SETD3: variants seen among roughly 807,000 people sequenced by gnomAD.
SETD3 encodes the protein SET domain containing 3, actin N3(tau)-histidine methyltransferase, also known as actin-histidine N-methyltransferase.
SETD3 carries 19 observed loss-of-function variants against 63.0 expected under a neutral mutation model. The observed-to-expected ratio is 0.30, with a 90% CI of 0.21 to 0.44. The LOEUF (loss-of-function observed/expected upper bound fraction) is 0.44. Ranked by LOEUF, SETD3 falls within the 20% of genes least tolerant of loss-of-function variation. The probability of loss-of-function intolerance (pLI) is 1.00; values close to 1 mark genes in which losing one functional copy is unlikely to be tolerated. For missense variants in SETD3, 587 were observed against 728.5 expected (o/e 0.81, Z 2.24); for synonymous variants, 286 against 264.1 (o/e 1.08, Z -0.80).
At position 99,463,809 on chromosome 14, in the gene SETD3, CAA is replaced by C. The variant is rs112318618; in HGVS notation, c.104-233_104-232del. On this transcript the variant is annotated intron_variant, in intron 2 of 12. Transcript: ENST00000331768. ...AAAAACATCCCCCACTTAACGTACC[CAA>C]GAGAGAGCACTGAGCAAGCACCTAG... 8.4e-3 allele frequency among the ~76,000 whole-genome samples: 1,274 copies of C among 152,288 alleles called. 15 individuals carry two copies. Among genetic ancestry groups the C allele is most frequent in the African/African-American group, 0.029 (1,193 of 41,560 alleles).
chr14:99,438,243 T>C (rs755231003), intron 6 of SETD3, among the ~76,000 whole-genome samples: 2 of 152,222 alleles, frequency 1.3e-5, no homozygotes, highest in Non-Finnish European at 2.9e-5. Flanking sequence ...ACGGTTAAGG[T>C]TGGGTGAGCA....
chr14:99,422,754 C>T (rs1892655723), intron 6 of SETD3, among the ~76,000 whole-genome samples: 1 of 152,180 alleles, frequency 6.6e-6, no homozygotes, highest in African/African-American at 2.4e-5. Context: ...TCACTGATAA[C>T]AAAATCTAAG....
chr14:99,466,744 G>C (rs1428336004), intron 1 of SETD3, among the ~76,000 whole-genome samples: 1 of 152,104 alleles, frequency 6.6e-6, no homozygotes, highest in Admixed American at 6.5e-5. Context: ...ACTCAAGACA[G>C]GGTGATAGTC....
intron 1 of SETD3, among the ~76,000 whole-genome samples, chr14:99,469,245 G>A (rs1044490461): frequency 6.6e-6 from 1 of 152,158 alleles, no homozygotes; most frequent in African/African-American, 2.4e-5. Context: ...AAACACACCA[G>A]TACATTAGCC....
In SETD3 at chr14:99,399,741, A is replaced by AATTTTTTTTTTTT. The variant is rs1566869064; in HGVS notation, c.1338+357_1338+358insAAAAAAAAAAAAT. On this transcript the variant is annotated intron_variant, in intron 12 of 12. Transcript: ENST00000331768. ...GAATTAACAAGAAATCTTTCATTAA[A>AATTTTTTTTTTTT]TTTTTTTTTTTTTTTTTTTTTTTTT... 1.6e-5 allele frequency among the ~76,000 whole-genome samples: 2 copies of AATTTTTTTTTTTT among 127,728 alleles called. 1 individual carries two copies. Among genetic ancestry groups the AATTTTTTTTTTTT allele is most frequent in the African/African-American group, 5.9e-5 (2 of 33,634 alleles). 83.8% of individuals were successfully genotyped at this position (127,728 alleles called of 152,430 possible).
chr14:99,425,226 C>T lies in SETD3; in HGVS notation c.676-11292G>A, dbSNP rs77152605. Among the ~76,000 whole-genome samples, 68 of 152,342 alleles carry T rather than the reference C, an allele frequency of 4.5e-4. 2 individuals are homozygous for T. In the East Asian group the frequency reaches 0.013, roughly 29 times the overall value. On this transcript the variant is annotated intron_variant, in intron 6 of 12. Transcript: ENST00000331768. ...GTTTGCTGAACTAAGGAGTCCTACC[C>T]TCTACAAGATGGTTAGCCAACTATC...
chr14:99,441,463 A>G (rs1402309158), intron 6 of SETD3, among the ~76,000 whole-genome samples: 1 of 152,228 alleles, frequency 6.6e-6, no homozygotes, highest in East Asian at 1.9e-4. Context: ...CCACTCTTAA[A>G]GCTCAAACTC....
chr14:99,403,430 TACACACAC>T (rs762669151), intron 11 of SETD3, among the ~76,000 whole-genome samples: 1 of 133,158 alleles, frequency 7.5e-6, no homozygotes, highest in East Asian at 2.3e-4. Flanking sequence ...CAGCAAAACA[TACACACAC>T]ACACACACAC....
intron 6 of SETD3, among the ~76,000 whole-genome samples, chr14:99,437,554 G>A (rs551318600): frequency 1.3e-5 from 2 of 152,272 alleles, no homozygotes; most frequent in East Asian, 1.9e-4. Flanking sequence ...ACCTAACGAC[G>A]TTCTTCACAC....
chr14:99,400,137 C>T lies in SETD3; in HGVS notation c.1300G>A (p.Ala434Thr), dbSNP rs1891311176. 6.2e-7 allele frequency: 1 copy of T among 1,613,748 alleles called. No homozygotes were observed. The highest frequency in any genetic ancestry group is 1.3e-5 in the African/African-American group (1 of 74,898). Residue 434 changes from alanine to threonine, a missense_variant, in exon 12 of 13, where the codon GCC becomes ACC. By Grantham distance (58) the Ala-to-Thr change is moderately conservative. Coordinates refer to ENST00000331768, the MANE Select transcript of SETD3 (RefSeq NM_032233.3). Reference protein sequence around the residue: ...VKLWTFLEDRASLLLKTYKTT... With the variant: ...VKLWTFLEDRTSLLLKTYKTT... Reference sequence around the variant, plus strand: ...TTATATGTTTTTAAAAGAAGTGAGGCTCTATCTTCAAGAAATGTCCAAAGT... The same window carrying T: ...TTATATGTTTTTAAAAGAAGTGAGGTTCTATCTTCAAGAAATGTCCAAAGT...
At chr14:99,466,082 A>G (rs1474054733) in intron 1 of SETD3, among the ~76,000 whole-genome samples, 1 of 151,688 alleles carries the variant, frequency 6.6e-6, no homozygotes, top group Non-Finnish European at 1.5e-5. Context: ...TTTACTCTAG[A>G]TTTTTTTTTA....
intron 8 of SETD3, 34 bp downstream of exon 8, chr14:99,412,917 A>G: frequency 7.0e-7 from 1 of 1,437,044 alleles, no homozygotes; most frequent in Non-Finnish European, 9.8e-7. Context: ...ACAGCCTCCC[A>G]GATTCAACAC....
At chr14:99,441,861 G>A (rs1893836782) in intron 6 of SETD3, among the ~76,000 whole-genome samples, 1 of 152,250 alleles carries the variant, frequency 6.6e-6, no homozygotes, top group Non-Finnish European at 1.5e-5. Flanking sequence ...GCCCCTTGGT[G>A]GAGCTACATT....
chr14:99,485,793 G>A (rs1896470270), upstream of SETD3, among the ~76,000 whole-genome samples: 1 of 152,058 alleles, frequency 6.6e-6, no homozygotes, highest in South Asian at 2.1e-4. Context: ...CCTGGAGGCG[G>A]GAGGTTGCAG....
chr14:99,427,552 G>A (rs776983568), intron 6 of SETD3, among the ~76,000 whole-genome samples: 1 of 152,114 alleles, frequency 6.6e-6, no homozygotes, highest in Non-Finnish European at 1.5e-5. Context: ...TATAGAAAAC[G>A]ATAAAGGAGG....
intron 6 of SETD3, among the ~76,000 whole-genome samples, chr14:99,441,387 CCCT>C (rs1433332103): frequency 6.6e-6 from 1 of 152,242 alleles, no homozygotes; most frequent in Non-Finnish European, 1.5e-5. Context: ...GCTGCTTGAG[CCCT>C]CCTGTGTGAC....
intron 6 of SETD3, among the ~76,000 whole-genome samples, chr14:99,414,611 C>T (rs1180973113): frequency 6.6e-6 from 1 of 152,180 alleles, no homozygotes; most frequent in African/African-American, 2.4e-5. Flanking sequence ...GACAAAAGAA[C>T]ATTTGGTAAA....
At chr14:99,470,549 C>A (rs1020325224) in intron 1 of SETD3, among the ~76,000 whole-genome samples, 1 of 152,176 alleles carries the variant, frequency 6.6e-6, no homozygotes, top group Non-Finnish European at 1.5e-5. Flanking sequence ...TCTGTTCCCC[C>A]CAAAAACAAG....
chr14:99,453,686 C>A (rs186419067), intron 6 of SETD3, among the ~76,000 whole-genome samples: 1 of 151,904 alleles, frequency 6.6e-6, no homozygotes, highest in African/African-American at 2.4e-5. Flanking sequence ...ATTAGCTGGG[C>A]GTGGTGGTGG....
Sources: gnomAD v4.1 joint callset for allele counts (sites outside exome capture counted in the v4.1 genomes callset) on GRCh38, gnomAD v4.1.1 for gene constraint, MANE v1.5 for transcripts, NCBI Gene and HGNC (gene_info 2026-07-23, HGNC 2026-07-21) for gene names.